The following PTPRT variants were observed in gnomAD, a reference collection of about 807,000 sequenced individuals.
PTPRT encodes the protein receptor-type tyrosine-protein phosphatase T.
In PTPRT, 56 loss-of-function variants were observed where a neutral mutation model predicts 176.8. The observed-to-expected ratio is 0.32, with a 90% CI of 0.26 to 0.40. PTPRT has a LOEUF of 0.40. Ranked by LOEUF, PTPRT falls within the 10% of genes least tolerant of loss-of-function variation. PTPRT has a pLI of 1.00. For missense variants in PTPRT, 1,540 were observed against 1,908.2 expected (o/e 0.81, Z 3.60); for synonymous variants, 783 against 739.0 (o/e 1.06, Z -0.96).
intron 27 of PTPRT, among the ~76,000 whole-genome samples, chr20:42,091,236 CTGTT>C (rs1316175043): frequency 6.6e-6 from 1 of 152,194 alleles, no homozygotes; most frequent in Non-Finnish European, 1.5e-5. Flanking sequence ...CTCTCCATGG[CTGTT>C]TGGGCCATGA....
At chr20:42,935,564 C>CTTT (rs1980135958) in intron 1 of PTPRT, among the ~76,000 whole-genome samples, 1 of 152,212 alleles carries the variant, frequency 6.6e-6, no homozygotes, top group Admixed American at 6.5e-5. Flanking sequence ...CCTCTTTCCA[C>CTTT]AGAAAGGCTT....
At chr20:42,718,770 G>A (rs191640531) in intron 6 of PTPRT, among the ~76,000 whole-genome samples, 2 of 152,084 alleles carry the variant, frequency 1.3e-5, no homozygotes, top group Non-Finnish European at 2.9e-5. Context: ...TCTGTATCTC[G>A]ATCAGGATGT....
intron 1 of PTPRT, among the ~76,000 whole-genome samples, chr20:43,010,924 T>C (rs1985084736): frequency 6.6e-6 from 1 of 152,124 alleles, no homozygotes; most frequent in African/African-American, 2.4e-5. Flanking sequence ...AGGCAACAGG[T>C]GAGCATCACT....
Position 42,951,430 on chromosome 20 carries a change from AGAGAAAT to A in PTPRT, c.89-65505_89-65499del, listed in dbSNP as rs1981244721. Among the ~76,000 whole-genome samples, 20 of 152,232 alleles carry A rather than the reference AGAGAAAT, an allele frequency of 1.3e-4. No homozygotes were observed. In the South Asian group the frequency reaches 3.7e-3, roughly 29 times the overall value. The stretch of plus-strand genomic sequence containing the variant: ...GTAAGCGAGTGGATGGATGGATGAT[AGAGAAAT>A]CACCCATCAGCATAATTTTTCTAAG... On this transcript the variant is annotated intron_variant, in intron 1 of 30. Coordinates refer to ENST00000373187, the MANE Select transcript of PTPRT (RefSeq NM_007050.6).
chr20:42,094,024 C>A (rs1984926281), intron 27 of PTPRT, among the ~76,000 whole-genome samples: 1 of 152,228 alleles, frequency 6.6e-6, no homozygotes, highest in South Asian at 2.1e-4. Flanking sequence ...TCTGTACCAA[C>A]ATCTGGGCCT....
At chr20:42,036,049 T>C in the PTPRT span, among the ~76,000 whole-genome samples, 1 of 152,178 alleles carries the variant, frequency 6.6e-6, no homozygotes, top group African/African-American at 2.4e-5. Flanking sequence ...CTGTGGGCAA[T>C]TGGAGCTCAG....
intron 27 of PTPRT, 74 bp downstream of exon 27, chr20:42,098,347 G>A: frequency 6.3e-7 from 1 of 1,581,074 alleles, no homozygotes; most frequent in African/African-American, 1.3e-5. Context: ...GGCACCGGCT[G>A]TCAAGGGATC....
At chr20:42,467,762 G>C (rs1426190349) in intron 8 of PTPRT, among the ~76,000 whole-genome samples, 1 of 152,194 alleles carries the variant, frequency 6.6e-6, no homozygotes, top group East Asian at 1.9e-4. Flanking sequence ...ATGCAGCAAA[G>C]TGTTTACAAA....
intron 7 of PTPRT, among the ~76,000 whole-genome samples, chr20:42,593,815 C>T (rs1419977284): frequency 6.6e-6 from 1 of 152,178 alleles, no homozygotes; most frequent in African/African-American, 2.4e-5. Context: ...CACCACTTTG[C>T]ATTTTTTAAA....
intron 12 of PTPRT, among the ~76,000 whole-genome samples, chr20:42,299,694 C>CTGGA (rs2057433088): frequency 6.9e-6 from 1 of 144,656 alleles, no homozygotes. Context: ...GTTGCCCAGG[C>CTGGA]TGGAGTGCAG....
At chr20:42,577,102 C>G (rs1305948163) in intron 7 of PTPRT, among the ~76,000 whole-genome samples, 2 of 152,262 alleles carry the variant, frequency 1.3e-5, no homozygotes, top group East Asian at 3.9e-4. Flanking sequence ...GAAAAGAAAA[C>G]AGGCCATTAC....
At chr20:42,338,811 A>C (rs987962862) in intron 11 of PTPRT, among the ~76,000 whole-genome samples, 1 of 152,188 alleles carries the variant, frequency 6.6e-6, no homozygotes, top group Non-Finnish European at 1.5e-5. Flanking sequence ...CAAGGAATTC[A>C]GAGGCACACT....
chr20:42,379,167 C>A (rs1239986218), intron 9 of PTPRT, among the ~76,000 whole-genome samples: 2 of 152,238 alleles, frequency 1.3e-5, no homozygotes, highest in African/African-American at 4.8e-5. Context: ...TCTTGCTCCA[C>A]AAAGTGCCTC....
intron 16 of PTPRT, among the ~76,000 whole-genome samples, chr20:42,173,957 T>A (rs6016706): frequency 0.34 from 51,265 of 152,014 alleles, 9,027 homozygotes; most frequent in East Asian, 0.38. Context: ...TAAATAGACA[T>A]TGAAATATAC....
At chr20:43,152,222 T>A (rs2014377703) in intron 1 of PTPRT, among the ~76,000 whole-genome samples, 1 of 151,658 alleles carries the variant, frequency 6.6e-6, no homozygotes. Flanking sequence ...AAAAAAAAAA[T>A]GGAAGGAAAT....
At chr20:42,663,583 T>C (rs193232486) in intron 7 of PTPRT, among the ~76,000 whole-genome samples, 2 of 152,308 alleles carry the variant, frequency 1.3e-5, no homozygotes, top group Admixed American at 6.5e-5. Flanking sequence ...GTGCTCTTTT[T>C]GAAATCTCCA....
chr20:42,931,792 C>T (rs531161864), intron 1 of PTPRT, among the ~76,000 whole-genome samples: 10 of 152,334 alleles, frequency 6.6e-5, no homozygotes, highest in Middle Eastern at 3.4e-3. Flanking sequence ...GGACACCAGG[C>T]ATGCACAGAG....
At chr20:42,828,393 G>T (rs2078031974) in intron 2 of PTPRT, among the ~76,000 whole-genome samples, 1 of 152,160 alleles carries the variant, frequency 6.6e-6, no homozygotes, top group African/African-American at 2.4e-5. Flanking sequence ...TCTAAAATTT[G>T]CAGCTGACAA....
intron 1 of PTPRT, among the ~76,000 whole-genome samples, chr20:43,025,407 T>C (rs1985870317): frequency 6.6e-6 from 1 of 152,194 alleles, no homozygotes; most frequent in Non-Finnish European, 1.5e-5. Context: ...GGTAAAAGCA[T>C]TAGCAGCACT....
Sources: gnomAD v4.1 joint callset for allele counts (sites outside exome capture counted in the v4.1 genomes callset) on GRCh38, gnomAD v4.1.1 for gene constraint, MANE v1.5 for transcripts, NCBI Gene and HGNC (gene_info 2026-07-23, HGNC 2026-07-21) for gene names.